Variants in SPOP observed in about 807,000 individuals in gnomAD.
SPOP encodes speckle type BTB/POZ protein.
In SPOP, 11 loss-of-function variants were observed where a neutral mutation model predicts 45.6. The observed-to-expected ratio is 0.24, with a 90% confidence interval of 0.15 to 0.40. The LOEUF (loss-of-function observed/expected upper bound fraction) is 0.40. Ranked by LOEUF, SPOP falls within the 10% of genes least tolerant of loss-of-function variation. The pLI is 1.00. For missense variants in SPOP, 152 were observed against 465.6 expected (o/e 0.33, Z 6.20); for synonymous variants, 166 against 166.3 (o/e 1.00, Z 0.01).
At chr17:49,657,696 C>CTTTTTT (rs34194099) in intron 1 of SPOP, among the ~76,000 whole-genome samples, 1 of 100,956 alleles carries the variant, frequency 9.9e-6, no homozygotes, top group Non-Finnish European at 2.1e-5. Flanking sequence ...CGCACCCGGC[C>CTTTTTT]TTTTTTTTTT....
chr17:49,632,668 T>C (rs1326240293), intron 1 of SPOP, among the ~76,000 whole-genome samples: 2 of 152,158 alleles, frequency 1.3e-5, no homozygotes, highest in East Asian at 1.9e-4. Flanking sequence ...AATTTTTGTA[T>C]TTTTAGTAGA....
intron 8 of SPOP, 183 bp downstream of exon 8, chr17:49,607,067 C>G: frequency 3.1e-6 from 2 of 647,876 alleles, no homozygotes; most frequent in Non-Finnish European, 5.0e-6. Context: ...AAACAGGACA[C>G]TTTTGAGAAT....
intron 1 of SPOP, among the ~76,000 whole-genome samples, chr17:49,677,693 G>T (rs537045710): frequency 9.2e-5 from 14 of 152,306 alleles, no homozygotes; most frequent in East Asian, 3.9e-4. Context: ...ATGATGGGGG[G>T]GCTGAAGGCA....
At chr17:49,663,449 C>T (rs1223830920) in intron 1 of SPOP, among the ~76,000 whole-genome samples, 1 of 152,190 alleles carries the variant, frequency 6.6e-6, no homozygotes, top group African/African-American at 2.4e-5. Flanking sequence ...GTAATGACAT[C>T]GAACTGTACT....
At chr17:49,651,373 A>C (rs1816295745) in intron 1 of SPOP, among the ~76,000 whole-genome samples, 1 of 152,228 alleles carries the variant, frequency 6.6e-6, no homozygotes, top group Non-Finnish European at 1.5e-5. Flanking sequence ...AAATTAAGTC[A>C]ACTGTCAAGC....
intron 1 of SPOP, among the ~76,000 whole-genome samples, chr17:49,668,617 G>A (rs974175976): frequency 7.9e-5 from 12 of 151,802 alleles, no homozygotes; most frequent in Non-Finnish European, 8.8e-5. Context: ...AAGTATCTGG[G>A]GGCAAATATA....
At chr17:49,629,759 C>T (rs532483288) in intron 1 of SPOP, among the ~76,000 whole-genome samples, 1 of 152,286 alleles carries the variant, frequency 6.6e-6, no homozygotes, top group South Asian at 2.1e-4. Context: ...AGCATTTCTC[C>T]ATCATCAGTC....
intron 7 of SPOP, among the ~76,000 whole-genome samples, 195 bp from the exon 8 acceptor site, chr17:49,607,567 AAACAT>A (rs771019795): frequency 1.3e-5 from 2 of 152,152 alleles, no homozygotes; most frequent in Non-Finnish European, 2.9e-5. Flanking sequence ...TTGTTTTCTT[AAACAT>A]AACAGCAAAA....
At chr17:49,677,306 A>G (rs1256039661) in intron 1 of SPOP, among the ~76,000 whole-genome samples, 3 of 152,236 alleles carry the variant, frequency 2.0e-5, no homozygotes, top group Non-Finnish European at 4.4e-5. Flanking sequence ...ACTAGAAGAT[A>G]CAGTGACAGT....
chr17:49,669,258 G>T (rs1347911571), intron 1 of SPOP, among the ~76,000 whole-genome samples: 2 of 149,606 alleles, frequency 1.3e-5, no homozygotes, highest in African/African-American at 4.9e-5. Context: ...GTAGAGACAG[G>T]GTTTCACTAT....
intron 5 of SPOP, 114 bp from the exon 6 acceptor site, chr17:49,611,571 T>A: frequency 1.0e-6 from 1 of 965,160 alleles, no homozygotes; most frequent in Non-Finnish European, 1.6e-6. Flanking sequence ...ATATTAATCA[T>A]ATTATCTTGA....
At chr17:49,677,687 TG>T (rs927077334) in intron 1 of SPOP, among the ~76,000 whole-genome samples, 4 of 100,218 alleles carry the variant, frequency 4.0e-5, no homozygotes, top group East Asian at 2.9e-4. Flanking sequence ...TGGGAAATGA[TG>T]GGGGGGCTGA....
Position 49,600,200 on chromosome 17 carries a change from C to T in SPOP, c.*178G>A, listed in dbSNP as rs1001768556. On this transcript the variant is annotated 3_prime_UTR_variant, in exon 10 of 10. Coordinates refer to ENST00000504102, the MANE Select transcript of SPOP (RefSeq NM_001007228.2). This position sits in a 1 kb window ranked among gnomAD's most constrained non-coding sequence, Gnocchi z 4.2. ...ACAGGGTTTTCATTTCATTTTCCCT[C>T]CCCCCGTTTCCCCCAAGTTATTTAG... 14 of 793,432 alleles carry T rather than the reference C, an allele frequency of 1.8e-5. No individual in the cohort carries two copies. The highest frequency in any genetic ancestry group is 4.7e-5 in the Admixed American group (2 of 42,838). The allele number at this position is 793,432 out of a possible 1,614,324, so 49.1% of individuals were successfully genotyped here.
At chr17:49,643,932 G>GAA (rs202083202) in intron 1 of SPOP, among the ~76,000 whole-genome samples, 1,313 of 98,388 alleles carry the variant, frequency 0.013, 31 homozygotes, top group African/African-American at 0.044. Flanking sequence ...CCGTCTCAAG[G>GAA]AAAAAAAAAA....
chr17:49,647,463 T>C (rs2143473312), intron 1 of SPOP, among the ~76,000 whole-genome samples: 1 of 152,054 alleles, frequency 6.6e-6, no homozygotes, highest in Admixed American at 6.6e-5. Flanking sequence ...TTGTAATTAT[T>C]TTTATTTTTT....
At chr17:49,617,721 C>T (rs1022126076) in intron 5 of SPOP, among the ~76,000 whole-genome samples, 5 of 151,796 alleles carry the variant, frequency 3.3e-5, no homozygotes, top group African/African-American at 9.7e-5. Context: ...GTCAGGAGTT[C>T]GAGACCAGCC....
rs757317825 is a variant in SPOP, at chr17:49,601,957, G to A, written c.888C>T (p.Asn296=). Residue 296 remains asparagine, a synonymous_variant, in exon 9 of 10, where the codon AAC becomes AAT. Coordinates refer to ENST00000504102, the MANE Select transcript of SPOP (RefSeq NM_001007228.2). Reference sequence around the variant, plus strand: ...TTTCTGCAGCGTTCTCCACGGACAGGTTACTGCAGAGGGCATCCTCACACA... The same window carrying A: ...TTTCTGCAGCGTTCTCCACGGACAGATTACTGCAGAGGGCATCCTCACACA... ...KVMCEDALCS[N]LSVENAAEIL... is the part of the protein sequence containing the mutation. The A allele has an allele frequency of 3.7e-6, 6 of 1,614,160 alleles. No individual in the cohort carries two copies. Among genetic ancestry groups the A allele is most frequent in the Non-Finnish European group, 5.1e-6 (6 of 1,179,994 alleles).
intron 6 of SPOP, among the ~76,000 whole-genome samples, chr17:49,608,832 T>C (rs1309274540): frequency 6.6e-6 from 1 of 152,144 alleles, no homozygotes; most frequent in Non-Finnish European, 1.5e-5. Flanking sequence ...TAGAAAGGTT[T>C]TGAGCTAACA....
intron 1 of SPOP, among the ~76,000 whole-genome samples, chr17:49,676,900 A>G (rs1316809176): frequency 6.6e-6 from 1 of 152,196 alleles, no homozygotes; most frequent in African/African-American, 2.4e-5. Context: ...GAAACATCAC[A>G]TTACTTAAAA....
Sources: gnomAD v4.1 joint callset for allele counts (sites outside exome capture counted in the v4.1 genomes callset) on GRCh38, gnomAD v4.1.1 for gene constraint, Gnocchi (gnomAD v3.1) non-coding constraint, MANE v1.5 for transcripts, NCBI Gene and HGNC (gene_info 2026-07-23, HGNC 2026-07-21) for gene names.